GAB1: variants seen among roughly 807,000 people sequenced by gnomAD.
The protein encoded by GAB1 is GRB2-associated-binding protein 1.
A neutral mutation model predicts 66.5 loss-of-function variants in GAB1; 19 were observed. That is an observed-to-expected ratio of 0.29 (90% confidence interval 0.20 to 0.42). The LOEUF (loss-of-function observed/expected upper bound fraction) is 0.42. Ranked by LOEUF, GAB1 falls within the 10% of genes least tolerant of loss-of-function variation. GAB1 has a pLI of 1.00. For missense variants in GAB1, 732 were observed against 858.5 expected (o/e 0.85, Z 1.84); for synonymous variants, 294 against 301.4 (o/e 0.98, Z 0.25).
chr4:143,459,710 G>A (rs971290225), intron 7 of GAB1, among the ~76,000 whole-genome samples: 11 of 152,094 alleles, frequency 7.2e-5, no homozygotes, highest in Non-Finnish European at 1.5e-4. Flanking sequence ...TACATGATAA[G>A]TGATGAGATC....
At chr4:143,440,688 C>G (rs1734181606) in intron 6 of GAB1, among the ~76,000 whole-genome samples, 1 of 152,114 alleles carries the variant, frequency 6.6e-6, no homozygotes, top group Non-Finnish European at 1.5e-5. Context: ...GTAGCCCCAT[C>G]TAATGGGAGT....
chr4:143,417,338 G>A (rs985314069), intron 2 of GAB1: 3 of 353,150 alleles, frequency 8.5e-6, no homozygotes, highest in African/African-American at 6.6e-5. Flanking sequence ...ATCCTGGAAA[G>A]AGCTGAGTGA....
At chr4:143,348,588 T>C (rs1465753659) in intron 1 of GAB1, among the ~76,000 whole-genome samples, 1 of 152,260 alleles carries the variant, frequency 6.6e-6, no homozygotes, top group Admixed American at 6.5e-5. Flanking sequence ...CAGTTGCTGC[T>C]CTCTGCCTCC....
rs1056271082 is a variant in GAB1 at position 143,336,892 on chromosome 4, C to G, written c.-297C>G. On this transcript the variant is annotated 5_prime_UTR_variant, in exon 1 of 10. Coordinates refer to ENST00000262994, the MANE Select transcript of GAB1 (RefSeq NM_002039.4). ...AGTCGGGGCAGAGTCCCGCTGAGTC[C>G]GAGCGCTGCTGAGGCAGCTGGCGAG... 6 of 434,280 alleles carry G rather than the reference C, an allele frequency of 1.4e-5. No homozygotes were observed. The highest frequency in any genetic ancestry group is 8.5e-5 in the African/African-American group (4 of 47,286). The allele number at this position is 434,280 out of a possible 1,614,324, so 26.9% of individuals were successfully genotyped here. A position where few individuals can be genotyped will look rare whatever the true frequency, so the allele number is the denominator to read the frequency against.
chr4:143,422,568 T>G (rs1733085271), intron 2 of GAB1, among the ~76,000 whole-genome samples: 1 of 152,208 alleles, frequency 6.6e-6, no homozygotes, highest in South Asian at 2.1e-4. Flanking sequence ...ATTTGGGGTT[T>G]CTTTAAGTAA....
At chr4:143,434,023 C>A in intron 3 of GAB1, 3 of 913,154 alleles carry the variant, frequency 3.3e-6, no homozygotes, top group Non-Finnish European at 4.7e-6. Context: ...GTATTACTTG[C>A]TTAACAGATT....
intron 1 of GAB1, among the ~76,000 whole-genome samples, chr4:143,367,837 G>A (rs1292030822): frequency 2.7e-5 from 4 of 145,772 alleles, no homozygotes; most frequent in Non-Finnish European, 3.0e-5. Flanking sequence ...TAATTCTCAT[G>A]CCTCAGCCCC....
chr4:143,354,520 A>G (rs1164942081), intron 1 of GAB1, among the ~76,000 whole-genome samples: 1 of 152,150 alleles, frequency 6.6e-6, no homozygotes, highest in Non-Finnish European at 1.5e-5. Flanking sequence ...AGTATAGAGA[A>G]AAAAAGGGTT....
intron 1 of GAB1, among the ~76,000 whole-genome samples, chr4:143,379,844 C>G (rs1274989354): frequency 1.3e-5 from 2 of 151,816 alleles, no homozygotes; most frequent in Non-Finnish European, 2.9e-5. Flanking sequence ...CTTGGCCTCT[C>G]AAAGTGCTGG....
At chr4:143,410,709 A>G (rs1320830764) in intron 1 of GAB1, among the ~76,000 whole-genome samples, 2 of 152,222 alleles carry the variant, frequency 1.3e-5, no homozygotes, top group Admixed American at 6.5e-5. Context: ...ACACACCTCT[A>G]TGCTTGCCTG....
chr4:143,393,789 C>G (rs1056947183), intron 1 of GAB1, among the ~76,000 whole-genome samples: 1 of 152,016 alleles, frequency 6.6e-6, no homozygotes, highest in African/African-American at 2.4e-5. Context: ...TAAAAAAATG[C>G]TTGAAAACAT....
chr4:143,460,687 T>TAA (rs74269683), intron 8 of GAB1, among the ~76,000 whole-genome samples, 200 bp downstream of exon 8: 3 of 146,718 alleles, frequency 2.0e-5, no homozygotes, highest in African/African-American at 7.5e-5. Flanking sequence ...GTAAATGAGT[T>TAA]AAAAAAAAAA....
chr4:143,423,814 A>G (rs1166964355), intron 2 of GAB1, among the ~76,000 whole-genome samples: 1 of 124,302 alleles, frequency 8.0e-6, no homozygotes, highest in Non-Finnish European at 1.7e-5. Flanking sequence ...ATATATATAT[A>G]TATATATATA....
intron 2 of GAB1, among the ~76,000 whole-genome samples, chr4:143,422,058 T>TATTTGTATCC (rs1317804457): frequency 1.6e-4 from 24 of 152,198 alleles, no homozygotes; most frequent in African/African-American, 4.6e-4. Flanking sequence ...TGCTATGTCT[T>TATTTGTATCC]ATTTGTATCC....
At chr4:143,424,096 TAA>T (rs1023268098) in intron 2 of GAB1, among the ~76,000 whole-genome samples, 2 of 151,912 alleles carry the variant, frequency 1.3e-5, no homozygotes, top group African/African-American at 4.8e-5. Context: ...CCATGAAGTT[TAA>T]AAAAAGTGTT....
chr4:143,343,110 G>A (rs1312429373), intron 1 of GAB1, among the ~76,000 whole-genome samples: 1 of 152,136 alleles, frequency 6.6e-6, no homozygotes, highest in African/African-American at 2.4e-5. Flanking sequence ...ACCCACAGGA[G>A]CATTTGACCA....
chr4:143,347,723 T>C (rs1394147515), intron 1 of GAB1, among the ~76,000 whole-genome samples: 1 of 152,230 alleles, frequency 6.6e-6, no homozygotes, highest in Non-Finnish European at 1.5e-5. Context: ...TGTGAGACAT[T>C]CTGGTAGAAG....
intron 1 of GAB1, among the ~76,000 whole-genome samples, chr4:143,402,516 G>T (rs771209346): frequency 6.6e-6 from 1 of 152,190 alleles, no homozygotes; most frequent in Non-Finnish European, 1.5e-5. Context: ...ATGGGGAAGA[G>T]ATCACTGGAT....
chr4:143,386,392 A>AT (rs1320537046), intron 1 of GAB1, among the ~76,000 whole-genome samples: 1 of 152,040 alleles, frequency 6.6e-6, no homozygotes, highest in Non-Finnish European at 1.5e-5. Context: ...TATAAATAAT[A>AT]TTTTTTATTT....
Sources: allele counts gnomAD v4.1 joint callset (sites outside exome capture counted in the v4.1 genomes callset), GRCh38; gene constraint gnomAD v4.1.1; transcripts MANE v1.5; gene names NCBI Gene and HGNC (gene_info 2026-07-23, HGNC 2026-07-21).